Variants in SORCS2 observed in about 807,000 individuals in gnomAD.
SORCS2 encodes sortilin related VPS10 domain containing receptor 2.
A neutral mutation model predicts 141.6 loss-of-function variants in SORCS2; 100 were observed. That is an observed-to-expected ratio of 0.71 (90% CI 0.60 to 0.83). The LOEUF is 0.83. Ranked by LOEUF, SORCS2 falls within the 40% of genes least tolerant of loss-of-function variation. The probability of loss-of-function intolerance (pLI) is 0.00; values close to 1 mark genes in which losing one functional copy is unlikely to be tolerated. For missense variants in SORCS2, 1,646 were observed against 1,560.2 expected, an observed-to-expected ratio of 1.05 and a Z score of -0.93; for synonymous variants, 789 against 676.9, an observed-to-expected ratio of 1.17 and a Z score of -2.57.
intron 2 of SORCS2, among the ~76,000 whole-genome samples, chr4:7,476,249 A>G (rs955422297): frequency 1.3e-5 from 2 of 152,214 alleles, no homozygotes; most frequent in Admixed American, 1.3e-4. Flanking sequence ...ATACACATAG[A>G]CACAGATTGA....
At chr4:7,454,024 GGT>G in intron 2 of SORCS2, among the ~76,000 whole-genome samples, 1 of 110,638 alleles carries the variant, frequency 9.0e-6, no homozygotes, top group Admixed American at 9.6e-5. Context: ...GTTAGGGTCA[GGT>G]GCTGTGTTGG....
At chr4:7,389,790 C>G (rs141361262) in intron 1 of SORCS2, among the ~76,000 whole-genome samples, 1 of 152,110 alleles carries the variant, frequency 6.6e-6, no homozygotes, top group African/African-American at 2.4e-5. Flanking sequence ...GAGTCAAGGC[C>G]GGAGCTCATG....
chr4:7,235,995 A>G (rs138983800), intron 1 of SORCS2, among the ~76,000 whole-genome samples: 260 of 152,332 alleles, frequency 1.7e-3, no homozygotes, highest in Admixed American at 5.1e-3. Context: ...AAGATGGAGC[A>G]GAAAACAAAA....
At chr4:7,456,144 T>A (rs139521116) in intron 2 of SORCS2, among the ~76,000 whole-genome samples, 1 of 152,224 alleles carries the variant, frequency 6.6e-6, no homozygotes, top group East Asian at 1.9e-4. Flanking sequence ...AGGACATCAG[T>A]CCAGTTGGAC....
At chr4:7,363,196 C>T (rs1370461957) in intron 1 of SORCS2, among the ~76,000 whole-genome samples, 2 of 146,884 alleles carry the variant, frequency 1.4e-5, no homozygotes, top group Non-Finnish European at 1.5e-5. Context: ...ACCACCTTCA[C>T]CGTCACCACC....
chr4:7,299,561 G>T (rs904995), intron 1 of SORCS2, among the ~76,000 whole-genome samples: 4 of 151,720 alleles, frequency 2.6e-5, no homozygotes, highest in Non-Finnish European at 5.9e-5. Context: ...GAGCATGTTA[G>T]ATCCTGGGGC....
At position 7,718,033 on chromosome 4, in the gene SORCS2, C is replaced by T. The variant is rs373320486; in HGVS notation, c.2274C>T (p.Asn758=). The T allele has an allele frequency of 1.2e-5, 19 of 1,606,338 alleles. No individual in the cohort carries two copies. The highest frequency in any genetic ancestry group is 4.5e-5 in the South Asian group (4 of 89,748). ...SSLGYRKVVS[N]VCEGGVDMQQ... ...CCAGGTACCGGAAAGTGGTGTCCAA[C>T]GTGTGTGAGGGTGGGGTGGACATGC... The change falls in exon 18 of 27, where the codon AAC becomes AAT. Residue 758 remains asparagine (N), a synonymous_variant. Transcript: ENST00000507866.
chr4:7,209,473 A>G (rs1207359666), intron 1 of SORCS2, among the ~76,000 whole-genome samples: 1 of 152,130 alleles, frequency 6.6e-6, no homozygotes, highest in East Asian at 1.9e-4. Context: ...AGCTACCAGC[A>G]TCCCCTTCCG....
At position 7,725,202 on chromosome 4, in the gene SORCS2, A is replaced by G; in HGVS notation, c.2660A>G (p.Asn887Ser). 6.2e-7 allele frequency: 1 copy of G among 1,613,576 alleles called. No individual in the cohort carries two copies. The highest frequency in any genetic ancestry group is 8.5e-7 in the Non-Finnish European group (1 of 1,179,630). The change falls in exon 20 of 27, where the codon AAC becomes AGC. Residue 887 changes from asparagine (N) to serine (S), a missense_variant. Physicochemically the swap from Asn to Ser is conservative, Grantham distance 46. Coordinates refer to ENST00000507866, the MANE Select transcript of SORCS2 (RefSeq NM_020777.3). ...YLEVVPVIGL[N>S]QEVNLTAVLL... ...GAGGTGGTTCCTGTCATTGGCCTCA[A>G]CCAGGAGGTGAACCTCACAGCTGTG...
At chr4:7,491,527 G>C (rs1188288927) in intron 2 of SORCS2, among the ~76,000 whole-genome samples, 1 of 152,242 alleles carries the variant, frequency 6.6e-6, no homozygotes, top group African/African-American at 2.4e-5. Flanking sequence ...TCACGCTGCT[G>C]ACTGAATCCA....
At chr4:7,220,688 G>C (rs370335606) in intron 1 of SORCS2, among the ~76,000 whole-genome samples, 1 of 152,260 alleles carries the variant, frequency 6.6e-6, no homozygotes, top group East Asian at 1.9e-4. Flanking sequence ...TGAAGTGCTC[G>C]TGGCTCCCAT....
chr4:7,445,293 G>A (rs1727915599), intron 2 of SORCS2, among the ~76,000 whole-genome samples: 2 of 152,164 alleles, frequency 1.3e-5, no homozygotes, highest in South Asian at 4.2e-4. Context: ...GGCTCTGGCT[G>A]GTGTTTGAGG....
intron 6 of SORCS2, among the ~76,000 whole-genome samples, chr4:7,662,153 G>C (rs1722214364): frequency 6.6e-6 from 1 of 152,184 alleles, no homozygotes; most frequent in South Asian, 2.1e-4. Context: ...TGAATGCAGA[G>C]TCCTCAACGC....
chr4:7,266,957 T>C (rs2108834710), intron 1 of SORCS2, among the ~76,000 whole-genome samples: 1 of 145,560 alleles, frequency 6.9e-6, no homozygotes, highest in South Asian at 2.2e-4. Context: ...TTGGGCAGTC[T>C]GGAAGAATCA....
intron 2 of SORCS2, among the ~76,000 whole-genome samples, chr4:7,516,194 C>T (rs1211236714): frequency 2.6e-5 from 4 of 152,188 alleles, no homozygotes; most frequent in Non-Finnish European, 5.9e-5. Flanking sequence ...CTGGAGCTCA[C>T]AGGCAGCTCC....
chr4:7,685,121 T>C (rs1179376566), intron 10 of SORCS2, among the ~76,000 whole-genome samples: 3 of 152,256 alleles, frequency 2.0e-5, no homozygotes, highest in African/African-American at 4.8e-5. Context: ...AAAGGGCTAA[T>C]TTTTGTATCA....
intron 1 of SORCS2, among the ~76,000 whole-genome samples, chr4:7,385,419 T>C (rs940098791): frequency 5.3e-5 from 8 of 152,148 alleles, no homozygotes; most frequent in Non-Finnish European, 7.4e-5. Context: ...CAGCCAGCAC[T>C]GTTGAAGGGA....
intron 14 of SORCS2, among the ~76,000 whole-genome samples, chr4:7,704,962 C>T (rs1057323749): frequency 2.0e-5 from 3 of 152,168 alleles, no homozygotes; most frequent in Admixed American, 6.5e-5. Context: ...GTGAGGCCAC[C>T]GTGTCCTCTT....
At chr4:7,223,637 T>C (rs1230551147) in intron 1 of SORCS2, among the ~76,000 whole-genome samples, 2 of 152,172 alleles carry the variant, frequency 1.3e-5, no homozygotes, top group East Asian at 3.9e-4. Flanking sequence ...ACGGATGTTC[T>C]CTAGACATGT....
Sources: gnomAD v4.1 joint callset for allele counts (sites outside exome capture counted in the v4.1 genomes callset) on GRCh38, gnomAD v4.1.1 for gene constraint, MANE v1.5 for transcripts, NCBI Gene and HGNC (gene_info 2026-07-23, HGNC 2026-07-21) for gene names.